Variants in CUX2 observed in about 807,000 individuals in gnomAD.
CUX2 encodes the protein cut like homeobox 2, also known as homeobox protein cut-like 2.
In CUX2, 40 loss-of-function variants were observed where a neutral mutation model predicts 144.8. The ratio of observed to expected loss-of-function variants is 0.28; its 90% CI spans 0.21 to 0.36. CUX2 has a LOEUF of 0.36. Among genes scored for constraint, CUX2 ranks in the 10% least tolerant of loss-of-function variants. The pLI is 1.00. For missense variants in CUX2, 1,615 were observed against 1,994.0 expected, an observed-to-expected ratio of 0.81 and a Z score of 3.62; for synonymous variants, 827 against 875.6, an observed-to-expected ratio of 0.94 and a Z score of 0.98.
At chr12:111,226,800 C>T (rs1396753214) in intron 3 of CUX2, among the ~76,000 whole-genome samples, 1 of 152,234 alleles carries the variant, frequency 6.6e-6, no homozygotes, top group Non-Finnish European at 1.5e-5. Flanking sequence ...AGTGATCGCT[C>T]CAGCCGCGTG....
intron 3 of CUX2, among the ~76,000 whole-genome samples, chr12:111,257,954 A>G (rs985051136): frequency 2.8e-4 from 42 of 152,202 alleles, no homozygotes; most frequent in African/African-American, 9.9e-4. Context: ...TTTTATGCCA[A>G]GCTCACTTGT....
Position 111,068,105 on chromosome 12 carries a change from T to A in CUX2, c.63+33865T>A, listed in dbSNP as rs1020059663. Among the ~76,000 whole-genome samples the A allele has an allele frequency of 6.6e-6, 1 of 152,070 alleles. No homozygotes were observed. The highest frequency in any genetic ancestry group is 1.5e-5 in the Non-Finnish European group (1 of 68,002). The stretch of plus-strand genomic sequence containing the variant: ...GGCCTGCAGAGCCTGGCGAAGTCCC[T>A]CCCGTGTCCCCAAGCCCACCACACC... On this transcript the variant is annotated intron_variant, in intron 1 of 21. Coordinates refer to ENST00000261726, the MANE Select transcript of CUX2 (RefSeq NM_015267.4). The surrounding 1 kb of genome is among the most constrained non-coding windows in gnomAD (Gnocchi z 4.9).
At chr12:111,247,993 G>A (rs1477017173) in intron 3 of CUX2, among the ~76,000 whole-genome samples, 1 of 152,350 alleles carries the variant, frequency 6.6e-6, no homozygotes, top group Non-Finnish European at 1.5e-5. Context: ...TGCAGCCTCA[G>A]ACTCTGGGTT....
intron 1 of CUX2, among the ~76,000 whole-genome samples, chr12:111,185,488 G>T (rs568050920): frequency 4.1e-4 from 63 of 152,304 alleles, no homozygotes; most frequent in African/African-American, 1.3e-3. Context: ...TACTGAAACC[G>T]CTGAGCCAGC....
intron 3 of CUX2, among the ~76,000 whole-genome samples, chr12:111,251,641 G>A (rs1254269838): frequency 6.6e-6 from 1 of 152,114 alleles, no homozygotes; most frequent in Non-Finnish European, 1.5e-5. Context: ...TGTTCTTAAT[G>A]CCGACATTTG....
chr12:111,314,620 A>G (rs1887080196), intron 16 of CUX2, among the ~76,000 whole-genome samples: 1 of 147,334 alleles, frequency 6.8e-6, no homozygotes, highest in African/African-American at 2.6e-5. Context: ...AGCCTGCGCA[A>G]CAAGAGCAAA....
At chr12:111,228,133 A>G (rs1882261217) in intron 3 of CUX2, among the ~76,000 whole-genome samples, 1 of 152,154 alleles carries the variant, frequency 6.6e-6, no homozygotes, top group South Asian at 2.1e-4. Context: ...AACAAGACAC[A>G]TGCTCCTGTC....
rs1296910458 is a variant in CUX2, at chr12:111,307,107, A to G, written c.1045A>G (p.Ile349Val). The change falls in exon 11 of 22, where the codon ATA becomes GTA. Residue 349 changes from isoleucine (I) to valine (V), a missense_variant. This residue lies in a region of CUX2 where 295 missense variants were observed against 400.2 expected (regional missense o/e 0.74). Transcript: ENST00000261726. This position sits in a 1 kb window ranked among gnomAD's most constrained non-coding sequence, Gnocchi z 4.1. The stretch of plus-strand genomic sequence containing the variant: ...GCAGCTCACGGCCAAGTCCGAGGCC[A>G]TAGAAGTGGGTCCTGGGGAGGAGGC... Reference protein sequence around the residue: ...ERQLTAKSEAIEKLEEKLQAQ... With the variant: ...ERQLTAKSEAVEKLEEKLQAQ... The G allele has an allele frequency of 1.9e-6, 3 of 1,613,138 alleles. No homozygotes were observed. The highest frequency in any genetic ancestry group is 2.2e-5 in the East Asian group (1 of 44,856).
In CUX2 at chr12:111,057,115, A is replaced by G. The variant is rs1870562875; in HGVS notation, c.63+22875A>G. On this transcript the variant is annotated intron_variant, in intron 1 of 21. Transcript: ENST00000261726. The surrounding 1 kb of genome is among the most constrained non-coding windows in gnomAD (Gnocchi z 5.1). ...AAGTAGGGAGTGAGTGTGACAGAAA[A>G]TGGCCAAGCTGCAATGGTTGTGACG... is the stretch of plus-strand genomic sequence containing the variant. Among the ~76,000 whole-genome samples the G allele has an allele frequency of 6.6e-6, 1 of 151,266 alleles. No homozygotes were observed. The highest frequency in any genetic ancestry group is 2.4e-5 in the African/African-American group (1 of 41,066).
intron 1 of CUX2, among the ~76,000 whole-genome samples, chr12:111,132,852 G>A (rs1178267516): frequency 6.6e-6 from 1 of 152,126 alleles, no homozygotes; most frequent in African/African-American, 2.4e-5. Flanking sequence ...ACAGGCATGA[G>A]CCACTATGCC....
chr12:111,069,832 T>A (rs974618538), intron 1 of CUX2, among the ~76,000 whole-genome samples: 22 of 152,184 alleles, frequency 1.4e-4, no homozygotes, highest in African/African-American at 4.6e-4. Flanking sequence ...ACACACATTC[T>A]GAAGTCCTGG....
chr12:111,302,889 G>A (rs12830303), intron 9 of CUX2, among the ~76,000 whole-genome samples: 1 of 120,230 alleles, frequency 8.3e-6, no homozygotes, highest in East Asian at 2.5e-4. Context: ...AACAAAGCAA[G>A]ACTCTGTCTT....
intron 9 of CUX2, among the ~76,000 whole-genome samples, chr12:111,303,530 G>A (rs1291804019): frequency 6.6e-6 from 1 of 151,914 alleles, no homozygotes; most frequent in African/African-American, 2.4e-5. Flanking sequence ...CAGCTACTTG[G>A]GAGGCTGAGG....
chr12:111,088,272 T>C (rs543331727), intron 1 of CUX2, among the ~76,000 whole-genome samples: 3 of 151,962 alleles, frequency 2.0e-5, no homozygotes, highest in South Asian at 4.2e-4. Flanking sequence ...TTGGGGGAAA[T>C]TGGGTGAAGG....
intron 1 of CUX2, among the ~76,000 whole-genome samples, chr12:111,170,664 A>G (rs1236877942): frequency 6.8e-6 from 1 of 146,108 alleles, no homozygotes; most frequent in Admixed American, 7.1e-5. Context: ...AGTTCTTCTG[A>G]TGACAAAGCC....
At chr12:111,326,629 C>G (rs1011306057) in intron 18 of CUX2, among the ~76,000 whole-genome samples, 1 of 151,996 alleles carries the variant, frequency 6.6e-6, no homozygotes, top group African/African-American at 2.4e-5. Context: ...AACAGCTGGG[C>G]ACCGTGGCTC....
At chr12:111,272,361 G>A (rs1453719373) in intron 4 of CUX2, among the ~76,000 whole-genome samples, 3 of 152,016 alleles carry the variant, frequency 2.0e-5, no homozygotes, top group African/African-American at 7.2e-5. Context: ...GTCCCATAAT[G>A]GTCAGTGGAA....
chr12:111,252,007 C>A (rs1168402580), intron 3 of CUX2, among the ~76,000 whole-genome samples: 1 of 152,046 alleles, frequency 6.6e-6, no homozygotes, highest in Non-Finnish European at 1.5e-5. Flanking sequence ...TAGCAAGACC[C>A]CACCTCTACA....
intron 1 of CUX2, among the ~76,000 whole-genome samples, chr12:111,101,888 C>T (rs980391260): frequency 2.6e-5 from 4 of 152,146 alleles, no homozygotes; most frequent in Non-Finnish European, 5.9e-5. Context: ...CCTGCAAAAT[C>T]GGGCTAAATA....
Sources: allele counts gnomAD v4.1 joint callset (sites outside exome capture counted in the v4.1 genomes callset), GRCh38; gene constraint gnomAD v4.1.1; regional missense constraint gnomAD v4.1.1; non-coding constraint Gnocchi (gnomAD v3.1); transcripts MANE v1.5; gene names NCBI Gene and HGNC (gene_info 2026-07-23, HGNC 2026-07-21).